The following VCAN variants were observed in gnomAD, a reference collection of about 807,000 sequenced individuals.
The protein encoded by VCAN is versican core protein.
Under a neutral mutation model 245.5 loss-of-function variants are expected in VCAN, and 44 were observed. The observed-to-expected ratio is 0.18, with a 90% CI of 0.14 to 0.23. VCAN has a LOEUF of 0.23. Among genes scored for constraint, VCAN ranks in the 10% least tolerant of loss-of-function variants. The pLI, the probability that VCAN is intolerant of heterozygous loss-of-function variation, is 1.00. For synonymous variants in VCAN, 1,413 were observed against 1,437.0 expected (o/e 0.98, Z 0.38); for missense variants, 3,793 against 4,057.9 (o/e 0.93, Z 1.77).
At chr5:83,573,188 G>A (rs990955561) in intron 13 of VCAN, among the ~76,000 whole-genome samples, 5 of 152,132 alleles carry the variant, frequency 3.3e-5, no homozygotes, top group Middle Eastern at 3.4e-3. Context: ...TTGAGCCACC[G>A]CTCCTGACCG....
chr5:83,521,139 C>T lies in VCAN; in HGVS notation c.2833C>T (p.His945Tyr). 6.2e-7 allele frequency: 1 copy of T among 1,614,082 alleles called. No homozygotes were observed. Among genetic ancestry groups the T allele is most frequent in the Non-Finnish European group, 8.5e-7 (1 of 1,179,978 alleles). The change falls in exon 7 of 15, where the codon CAC becomes TAC. Residue 945 changes from histidine (H) to tyrosine (Y), a missense_variant. Coordinates refer to ENST00000265077, the MANE Select transcript of VCAN (RefSeq NM_004385.5). ...KPVSTVPQFA[H>Y]TSEVEGLAFV... ...AGTATCTACTGTTCCCCAATTTGCA[C>T]ACACTTCAGAGGTGGAAGGATTAGC... is the stretch of plus-strand genomic sequence containing the variant.
rs34050047 is a variant in VCAN, at chr5:83,538,579, C to T, written c.5576C>T (p.Ala1859Val). Residue 1859 changes from alanine to valine, a missense_variant, in exon 8 of 15, where the codon GCA (alanine) becomes GTA (valine). Coordinates refer to ENST00000265077, the MANE Select transcript of VCAN (RefSeq NM_004385.5). Reference sequence around the variant, plus strand: ...TCATTTTCATTAAACGTAGAGTATGCAATTCAAGCCGAAAAGGAAGTAGCT... The same window carrying T: ...TCATTTTCATTAAACGTAGAGTATGTAATTCAAGCCGAAAAGGAAGTAGCT... ...VSSFSLNVEY[A>V]IQAEKEVAGT... is the part of the protein sequence containing the mutation. The T allele has an allele frequency of 1.9e-6, 3 of 1,613,974 alleles. No individual in the cohort carries two copies. The highest frequency in any genetic ancestry group is 1.7e-6 in the Non-Finnish European group (2 of 1,179,956).
At chr5:83,549,790 C>G (rs929391563) in intron 10 of VCAN, among the ~76,000 whole-genome samples, 2 of 152,176 alleles carry the variant, frequency 1.3e-5, no homozygotes, top group African/African-American at 4.8e-5. Flanking sequence ...CGATCTCAGT[C>G]TGTTTACGCA....
At position 83,539,017 on chromosome 5, in the gene VCAN, C is replaced by T. The variant is rs747223289; in HGVS notation, c.6014C>T (p.Thr2005Ile). The T allele has an allele frequency of 4.3e-6, 7 of 1,613,922 alleles. No homozygotes were observed. Among genetic ancestry groups the T allele is most frequent in the Admixed American group, 1.7e-5 (1 of 59,956 alleles). ...TCAGCCTTCCCCTGGGAAGAGTTTA[C>T]ATCCTCAGCTGAGGGCTCAGGTGAG... Reference protein sequence around the residue: ...STSAFPWEEFTSSAEGSGEQL... With the variant: ...STSAFPWEEFISSAEGSGEQL... The change falls in exon 8 of 15, where the codon ACA becomes ATA. Residue 2005 changes from threonine to isoleucine, a missense_variant. Transcript: ENST00000265077.
intron 7 of VCAN, 99 bp downstream of exon 7, chr5:83,522,408 T>C (rs1165888045): frequency 7.7e-7 from 1 of 1,295,036 alleles, no homozygotes; most frequent in African/African-American, 1.5e-5. Flanking sequence ...ATGCTGCTAT[T>C]AGAAGATAAC....
chr5:83,549,522 T>G (rs1747377954), intron 10 of VCAN, among the ~76,000 whole-genome samples: 1 of 152,230 alleles, frequency 6.6e-6, no homozygotes, highest in African/African-American at 2.4e-5. Flanking sequence ...AGCCCAAGTT[T>G]CTCTGAATAT....
intron 12 of VCAN, among the ~76,000 whole-genome samples, chr5:83,567,198 A>C (rs927897630): frequency 5.9e-5 from 9 of 152,274 alleles, no homozygotes; most frequent in Admixed American, 5.9e-4. Flanking sequence ...ATTATCCAGC[A>C]TTAAGCAGTT....
At chr5:83,491,502 A>G (rs1291986544) in intron 3 of VCAN, among the ~76,000 whole-genome samples, 1 of 152,112 alleles carries the variant, frequency 6.6e-6, no homozygotes, top group Non-Finnish European at 1.5e-5. Flanking sequence ...CTAGGCATCC[A>G]CTAAGTATCC....
intron 12 of VCAN, among the ~76,000 whole-genome samples, chr5:83,560,890 T>G (rs906442916): frequency 6.6e-6 from 1 of 152,134 alleles, no homozygotes; most frequent in Admixed American, 6.6e-5. Flanking sequence ...CACTGGACAC[T>G]GGTGTCTTCA....
At chr5:83,506,874 A>G (rs756877006) in intron 5 of VCAN, among the ~76,000 whole-genome samples, 2 of 152,206 alleles carry the variant, frequency 1.3e-5, no homozygotes, top group African/African-American at 2.4e-5. Flanking sequence ...ATGAGGAAGA[A>G]GCAAAAGCAG....
Position 83,520,814 on chromosome 5 carries a change from G to A in VCAN, c.2508G>A (p.Met836Ile). ...LPPALLTTVG[M>I]NGKDKDIPSF... ...CTGCCTTACTCACAACTGTGGGGAT[G>A]AATGGAAAGGATAAAGACATCCCAA... Residue 836 changes from methionine (M) to isoleucine (I), a missense_variant, in exon 7 of 15, where the codon ATG (methionine) becomes ATA (isoleucine). Transcript: ENST00000265077. 2 of 1,614,122 alleles carry A rather than the reference G, an allele frequency of 1.2e-6. No individual in the cohort carries two copies. Among genetic ancestry groups the A allele is most frequent in the Non-Finnish European group, 8.5e-7 (1 of 1,179,984 alleles).
At chr5:83,491,360 G>T (rs558246127) in intron 3 of VCAN, among the ~76,000 whole-genome samples, 1 of 151,894 alleles carries the variant, frequency 6.6e-6, no homozygotes, top group African/African-American at 2.4e-5. Context: ...ATATACAAAG[G>T]GTTTTATTAA....
intron 5 of VCAN, among the ~76,000 whole-genome samples, chr5:83,504,651 G>A (rs1000648160): frequency 1.3e-5 from 2 of 152,038 alleles, no homozygotes; most frequent in Non-Finnish European, 2.9e-5. Context: ...CAAAGTTCTA[G>A]GATTACAGGC....
intron 6 of VCAN, among the ~76,000 whole-genome samples, chr5:83,519,007 C>G (rs1024675075): frequency 3.3e-5 from 5 of 152,162 alleles, no homozygotes; most frequent in Admixed American, 1.3e-4. Context: ...AAACAATCTA[C>G]TGTATCTAAA....
Position 83,521,480 on chromosome 5 carries a change from G to A in VCAN, c.3174G>A (p.Glu1058=), listed in dbSNP as rs375513582. ...GTTCTACAGCTTGGACTCCCAAGGA[G>A]GCAGTAACACCACTGGATGAACAAG... ...ALSSTAWTPK[E]AVTPLDEQEG... is the part of the protein sequence containing the mutation. The change falls in exon 7 of 15, where the codon GAG becomes GAA. Residue 1058 remains glutamate, a synonymous_variant. Coordinates refer to ENST00000265077, the MANE Select transcript of VCAN (RefSeq NM_004385.5). 3 of 1,613,956 alleles carry A rather than the reference G, an allele frequency of 1.9e-6. No individual in the cohort carries two copies. Among genetic ancestry groups the A allele is most frequent in the African/African-American group, 1.3e-5 (1 of 74,928 alleles).
At chr5:83,530,406 G>A (rs1746471508) in intron 7 of VCAN, among the ~76,000 whole-genome samples, 2 of 151,980 alleles carry the variant, frequency 1.3e-5, no homozygotes, top group Admixed American at 1.3e-4. Flanking sequence ...CTCTTAGATC[G>A]TTCATTTGTG....
intron 7 of VCAN, among the ~76,000 whole-genome samples, chr5:83,524,624 TCTC>T (rs1176609586): frequency 1.3e-5 from 2 of 152,030 alleles, no homozygotes; most frequent in African/African-American, 2.4e-5. Context: ...TATATGCTGT[TCTC>T]CTTAACTAAA....
Position 83,541,174 on chromosome 5 carries a change from C to T in VCAN, c.8171C>T (p.Thr2724Ile). The T allele has an allele frequency of 2.5e-6, 4 of 1,614,012 alleles. No homozygotes were observed. Among genetic ancestry groups the T allele is most frequent in the East Asian group, 2.2e-5 (1 of 44,832 alleles). ...CTGGATGACATGTTTGAATCAAGCA[C>T]TTTGTCTGATGGTCAAGCTATTGCA... ...KALDDMFESS[T>I]LSDGQAIADQ... Residue 2724 changes from threonine (T) to isoleucine (I), a missense_variant, in exon 8 of 15, where the codon ACT becomes ATT. Physicochemically the swap from Thr to Ile is moderately conservative, Grantham distance 89. Coordinates refer to ENST00000265077, the MANE Select transcript of VCAN (RefSeq NM_004385.5).
At chr5:83,525,142 G>A (rs1746245999) in intron 7 of VCAN, among the ~76,000 whole-genome samples, 1 of 150,390 alleles carries the variant, frequency 6.6e-6, no homozygotes, top group Non-Finnish European at 1.5e-5. Context: ...GCAACTTACG[G>A]TGCTCTAGCT....
Sources: allele counts gnomAD v4.1 joint callset (sites outside exome capture counted in the v4.1 genomes callset), GRCh38; gene constraint gnomAD v4.1.1; transcripts MANE v1.5; gene names NCBI Gene and HGNC (gene_info 2026-07-23, HGNC 2026-07-21).